Variants in ZCCHC10 observed in about 807,000 individuals in gnomAD.
ZCCHC10 encodes the protein zinc finger CCHC domain-containing protein 10.
ZCCHC10 carries 16 observed loss-of-function variants against 19.5 expected under a neutral mutation model. The observed-to-expected ratio is 0.82, with a 90% CI of 0.56 to 1.25. The LOEUF is 1.25. ZCCHC10 is among the 50% of genes most tolerant of loss of function. The probability of loss-of-function intolerance (pLI) is 0.00; values close to 1 mark genes in which losing one functional copy is unlikely to be tolerated. For missense variants in ZCCHC10, 197 were observed against 201.0 expected, an observed-to-expected ratio of 0.98 and a Z score of 0.12; for synonymous variants, 67 against 72.5, an observed-to-expected ratio of 0.92 and a Z score of 0.38.
chr5:133,000,066 C>T, intron 4 of ZCCHC10, 66 bp downstream of exon 4: 3 of 1,555,532 alleles, frequency 1.9e-6, no homozygotes, highest in Admixed American at 1.7e-5. Context: ...GTTTTAAAAT[C>T]ACCTTTCCCA....
At chr5:133,010,131 C>T (rs1763401289) in intron 2 of ZCCHC10, among the ~76,000 whole-genome samples, 1 of 149,344 alleles carries the variant, frequency 6.7e-6, no homozygotes, top group South Asian at 2.1e-4. Context: ...TTACTGCAGC[C>T]TCTGCCCCCC....
chr5:133,010,970 T>G (rs966606483), intron 2 of ZCCHC10, among the ~76,000 whole-genome samples: 12 of 149,656 alleles, frequency 8.0e-5, no homozygotes, highest in African/African-American at 2.9e-4. Flanking sequence ...TTTTGTATTT[T>G]TAGTAGAGAT....
At chr5:133,016,373 C>G (rs948251746) in intron 2 of ZCCHC10, among the ~76,000 whole-genome samples, 1 of 152,184 alleles carries the variant, frequency 6.6e-6, no homozygotes, top group Admixed American at 6.6e-5. Flanking sequence ...AACCCAATTT[C>G]ACAGATTTTT....
intron 4 of ZCCHC10, 112 bp from the exon 5 acceptor site, chr5:132,998,962 G>A (rs1762597467): frequency 7.3e-7 from 1 of 1,371,340 alleles, no homozygotes; most frequent in Admixed American, 2.3e-5. Context: ...GTTGCCCAGT[G>A]TGGAGTGCAG....
intron 2 of ZCCHC10, among the ~76,000 whole-genome samples, chr5:133,018,699 C>A (rs772918038): frequency 6.6e-6 from 1 of 152,190 alleles, no homozygotes; most frequent in Non-Finnish European, 1.5e-5. Context: ...TGAGCCACCA[C>A]GTCCAGCCTG....
At chr5:133,018,244 T>C (rs925785870) in intron 2 of ZCCHC10, among the ~76,000 whole-genome samples, 1 of 151,918 alleles carries the variant, frequency 6.6e-6, no homozygotes, top group African/African-American at 2.4e-5. Flanking sequence ...CCAGCACTTC[T>C]TTAATGTTTT....
chr5:133,025,639 A>T (rs933142540), intron 1 of ZCCHC10, among the ~76,000 whole-genome samples: 4 of 152,092 alleles, frequency 2.6e-5, no homozygotes, highest in Non-Finnish European at 5.9e-5. Flanking sequence ...GTTCTGTAAA[A>T]AGTAAGTTTC....
At chr5:133,019,100 G>A (rs1280324577) in intron 2 of ZCCHC10, 5 of 451,418 alleles carry the variant, frequency 1.1e-5, no homozygotes, top group Non-Finnish European at 2.2e-5. Flanking sequence ...GCTCAGGTAT[G>A]AGGCTGGACG....
chr5:133,006,659 T>C, intron 3 of ZCCHC10, 100 bp downstream of exon 3: 3 of 1,163,412 alleles, frequency 2.6e-6, no homozygotes, highest in South Asian at 3.6e-5. Context: ...AGTAACATTA[T>C]AATTAAAATC....
chr5:133,000,225 A>C (rs1211578638), intron 3 of ZCCHC10, 52 bp from the exon 4 acceptor site: 1 of 1,595,640 alleles, frequency 6.3e-7, no homozygotes, highest in African/African-American at 1.4e-5. Context: ...GATTATACAC[A>C]GCTCAGACAA....
At chr5:133,002,878 C>T (rs1762863784) in intron 3 of ZCCHC10, among the ~76,000 whole-genome samples, 1 of 151,912 alleles carries the variant, frequency 6.6e-6, no homozygotes, top group African/African-American at 2.4e-5. Flanking sequence ...CGCCACCATG[C>T]CTGGCTAATT....
In ZCCHC10 at chr5:133,025,525, A is replaced by AAAAAG. The variant is rs1554085684; in HGVS notation, c.41+971_41+972insCTTTT. On this transcript the variant is annotated intron_variant, in intron 1 of 4. Transcript: ENST00000509437. ...CCTCAAAAAAAAAAAAAAAAAAAAA[A>AAAAAG]AAAAAAAAGAAAGGGGCATCTGGGG... Among the ~76,000 whole-genome samples, 59 of 124,846 alleles carry AAAAAG rather than the reference A, an allele frequency of 4.7e-4. 5 individuals are homozygous for AAAAAG. In the East Asian group the frequency reaches 8.6e-3, roughly 18 times the overall value. The allele number at this position is 124,846 out of a possible 152,430, so 81.9% of individuals were successfully genotyped here.
chr5:133,004,375 T>A (rs751240279), intron 3 of ZCCHC10, among the ~76,000 whole-genome samples: 2 of 152,176 alleles, frequency 1.3e-5, no homozygotes, highest in South Asian at 4.1e-4. Flanking sequence ...GGTTTCTCCA[T>A]GTTGGTCATG....
At chr5:133,020,381 C>G (rs1188053461) in intron 2 of ZCCHC10, among the ~76,000 whole-genome samples, 1 of 151,852 alleles carries the variant, frequency 6.6e-6, no homozygotes, top group Non-Finnish European at 1.5e-5. Context: ...GAGGCAGAGG[C>G]TGCAAGGAAC....
At chr5:132,999,095 T>C (rs1762605287) in intron 4 of ZCCHC10, among the ~76,000 whole-genome samples, 2 of 152,180 alleles carry the variant, frequency 1.3e-5, no homozygotes, top group Non-Finnish European at 2.9e-5. Context: ...TTTGTATTTT[T>C]AGTAGAGACG....
intron 3 of ZCCHC10, among the ~76,000 whole-genome samples, chr5:133,005,279 G>A (rs936245706): frequency 2.7e-5 from 4 of 150,598 alleles, no homozygotes; most frequent in Admixed American, 1.3e-4. Flanking sequence ...CTGGGTGACA[G>A]AGCAAGACTC....
Position 132,998,221 on chromosome 5 carries a change from C to T in ZCCHC10, c.*362G>A, listed in dbSNP as rs1204236896. The T allele has an allele frequency of 5.8e-6, 1 of 173,228 alleles. No homozygotes were observed. Among genetic ancestry groups the T allele is most frequent in the African/African-American group, 2.4e-5 (1 of 41,716 alleles). 10.7% of individuals were successfully genotyped at this position (173,228 alleles called of 1,614,324 possible). ...GCATTAGAAATCCACTGCCAGATAT[C>T]CTGACGCACCATCCTGAAAATATGT... is the stretch of plus-strand genomic sequence containing the variant. On this transcript the variant is annotated 3_prime_UTR_variant, in exon 5 of 5. Coordinates refer to ENST00000509437, the MANE Select transcript of ZCCHC10 (RefSeq NM_001300816.3).
chr5:133,013,818 A>T (rs1210144818), intron 2 of ZCCHC10, among the ~76,000 whole-genome samples: 1 of 152,116 alleles, frequency 6.6e-6, no homozygotes, highest in Non-Finnish European at 1.5e-5. Context: ...AAGCCTCAAA[A>T]ACAACCATTT....
At chr5:133,006,279 C>T (rs1763116212) in intron 3 of ZCCHC10, among the ~76,000 whole-genome samples, 1 of 152,112 alleles carries the variant, frequency 6.6e-6, no homozygotes, top group African/African-American at 2.4e-5. Context: ...TAAATCATAG[C>T]ATATTATATA....
Sources: allele counts gnomAD v4.1 joint callset (sites outside exome capture counted in the v4.1 genomes callset), GRCh38; gene constraint gnomAD v4.1.1; transcripts MANE v1.5; gene names NCBI Gene and HGNC (gene_info 2026-07-23, HGNC 2026-07-21).